The following NTN4 variants were observed in gnomAD, a reference collection of about 807,000 sequenced individuals.
NTN4 encodes netrin 4.
Under a neutral mutation model 73.6 loss-of-function variants are expected in NTN4, and 32 were observed. The observed-to-expected ratio is 0.44, with a 90% CI of 0.33 to 0.58. The LOEUF (loss-of-function observed/expected upper bound fraction) is 0.58, where lower values mean the gene tolerates loss of function less well. Among genes scored for constraint, NTN4 ranks in the 20% least tolerant of loss-of-function variants. The probability of loss-of-function intolerance (pLI) is 0.04; values close to 1 mark genes in which losing one functional copy is unlikely to be tolerated. For missense variants in NTN4, 654 were observed against 798.3 expected (o/e 0.82, Z 2.18); for synonymous variants, 258 against 287.5 (o/e 0.90, Z 1.04).
intron 3 of NTN4, among the ~76,000 whole-genome samples, chr12:95,717,379 C>T (rs2078614390): frequency 6.6e-6 from 1 of 152,122 alleles, no homozygotes; most frequent in African/African-American, 2.4e-5. Context: ...CAAGTCAATT[C>T]CCTCTACAGC....
At chr12:95,685,616 T>C (rs943113048) in intron 5 of NTN4, among the ~76,000 whole-genome samples, 3 of 152,370 alleles carry the variant, frequency 2.0e-5, no homozygotes. Flanking sequence ...AATCCTGTTC[T>C]CTGCTTTTTC....
At chr12:95,730,574 G>T (rs1283011097) in intron 3 of NTN4, among the ~76,000 whole-genome samples, 1 of 152,182 alleles carries the variant, frequency 6.6e-6, no homozygotes, top group Non-Finnish European at 1.5e-5. Context: ...ATATCTTACT[G>T]TGTGGAGAGA....
intron 2 of NTN4, among the ~76,000 whole-genome samples, chr12:95,775,018 A>G (rs765302481): frequency 2.6e-5 from 4 of 152,234 alleles, no homozygotes; most frequent in African/African-American, 7.2e-5. Flanking sequence ...AAGTCACTTC[A>G]ACTATCTTTA....
At chr12:95,714,339 T>C (rs1309974651) in intron 3 of NTN4, among the ~76,000 whole-genome samples, 2 of 152,170 alleles carry the variant, frequency 1.3e-5, no homozygotes, top group Admixed American at 6.6e-5. Flanking sequence ...AAGGAAAGGT[T>C]TGCAAAGTAG....
intron 3 of NTN4, among the ~76,000 whole-genome samples, chr12:95,732,396 C>CTTTTT (rs35575824): frequency 1.8e-5 from 2 of 112,860 alleles, no homozygotes; most frequent in African/African-American, 7.1e-5. Context: ...CTTTCTTCCT[C>CTTTTT]TTTTTTTTTT....
intron 7 of NTN4, among the ~76,000 whole-genome samples, chr12:95,676,908 T>G (rs1030046961): frequency 6.6e-6 from 1 of 152,152 alleles, no homozygotes; most frequent in African/African-American, 2.4e-5. Context: ...GTGAATACCA[T>G]GTATAACTCT....
chr12:95,715,625 A>G (rs2078599716), intron 3 of NTN4, among the ~76,000 whole-genome samples: 1 of 152,154 alleles, frequency 6.6e-6, no homozygotes, highest in East Asian at 1.9e-4. Context: ...ACAAATCTGC[A>G]CTTAAATTTT....
At chr12:95,716,956 CAT>C (rs1039099979) in intron 3 of NTN4, among the ~76,000 whole-genome samples, 5 of 151,920 alleles carry the variant, frequency 3.3e-5, no homozygotes, top group African/African-American at 1.2e-4. Context: ...ACAACAGGCA[CAT>C]GTCACCATGC....
chr12:95,721,312 A>G (rs555161190), intron 3 of NTN4, among the ~76,000 whole-genome samples: 1 of 152,326 alleles, frequency 6.6e-6, no homozygotes, highest in South Asian at 2.1e-4. Flanking sequence ...TTCCTCTGGA[A>G]GAAGCCAAGC....
At chr12:95,685,112 C>T (rs2078351547) in intron 5 of NTN4, among the ~76,000 whole-genome samples, 1 of 152,178 alleles carries the variant, frequency 6.6e-6, no homozygotes, top group African/African-American at 2.4e-5. Flanking sequence ...GCGATCTGCC[C>T]ACCTCGACCT....
At chr12:95,687,383 AATTTT>A (rs1237262630) in intron 5 of NTN4, among the ~76,000 whole-genome samples, 1 of 147,708 alleles carries the variant, frequency 6.8e-6, no homozygotes, top group Non-Finnish European at 1.5e-5. Flanking sequence ...GGTGAAAAAA[AATTTT>A]TTTTTTTGTT....
intron 3 of NTN4, among the ~76,000 whole-genome samples, chr12:95,735,226 T>C (rs1310252162): frequency 1.4e-5 from 2 of 147,872 alleles, no homozygotes; most frequent in Admixed American, 1.3e-4. Flanking sequence ...CAATTGCTTA[T>C]GGGTTCTTTT....
At chr12:95,672,972 C>A in intron 7 of NTN4, 1 of 1,148,850 alleles carries the variant, frequency 8.7e-7, no homozygotes, top group Non-Finnish European at 1.3e-6. Context: ...TGGACAAGAG[C>A]TCGAAGCCCA....
At chr12:95,668,660 T>C (rs1175853660) in intron 8 of NTN4, among the ~76,000 whole-genome samples, 2 of 152,240 alleles carry the variant, frequency 1.3e-5, no homozygotes, top group East Asian at 3.8e-4. Context: ...CTCCTCATTG[T>C]AGTGTATATT....
chr12:95,755,718 C>A (rs1171646953), intron 2 of NTN4, among the ~76,000 whole-genome samples: 2 of 152,138 alleles, frequency 1.3e-5, no homozygotes, highest in African/African-American at 2.4e-5. Context: ...ACGATAATAA[C>A]CTCAATTTGT....
intron 5 of NTN4, among the ~76,000 whole-genome samples, chr12:95,696,159 C>T (rs532745592): frequency 1.1e-4 from 16 of 152,296 alleles, no homozygotes; most frequent in South Asian, 2.1e-4. Context: ...TGTCTATCTT[C>T]GATCTCGCCT....
chr12:95,713,884 A>G (rs1465050610), intron 3 of NTN4, among the ~76,000 whole-genome samples: 1 of 152,084 alleles, frequency 6.6e-6, no homozygotes, highest in Non-Finnish European at 1.5e-5. Flanking sequence ...TTATCTGACC[A>G]CCTATTTTAT....
intron 7 of NTN4, among the ~76,000 whole-genome samples, chr12:95,676,101 CTTTTTTGT>C (rs2078271367): frequency 6.6e-6 from 1 of 151,972 alleles, no homozygotes; most frequent in Non-Finnish European, 1.5e-5. Context: ...AACAAATATT[CTTTTTTGT>C]TTTTTTGTTT....
intron 5 of NTN4, among the ~76,000 whole-genome samples, chr12:95,685,266 AC>A (rs1373615781): frequency 1.3e-5 from 2 of 152,098 alleles, no homozygotes; most frequent in Non-Finnish European, 2.9e-5. Flanking sequence ...CAATCAACCT[AC>A]CCACTTAGTC....
Sources: gnomAD v4.1 joint callset for allele counts (sites outside exome capture counted in the v4.1 genomes callset) on GRCh38, gnomAD v4.1.1 for gene constraint, MANE v1.5 for transcripts, NCBI Gene and HGNC (gene_info 2026-07-23, HGNC 2026-07-21) for gene names.